PCNX1: variants seen among roughly 807,000 people sequenced by gnomAD.
PCNX1 encodes pecanex-like protein 1.
A neutral mutation model predicts 242.2 loss-of-function variants in PCNX1; 78 were observed. The observed-to-expected ratio is 0.32, with a 90% CI of 0.27 to 0.39. The LOEUF (loss-of-function observed/expected upper bound fraction) is 0.39, where lower values mean the gene tolerates loss of function less well. Ranked by LOEUF, PCNX1 falls within the 10% of genes least tolerant of loss-of-function variation. PCNX1 has a pLI of 1.00. For synonymous variants in PCNX1, 1,024 were observed against 1,032.9 expected, an observed-to-expected ratio of 0.99 and a Z score of 0.17; for missense variants, 2,581 against 2,856.5, an observed-to-expected ratio of 0.90 and a Z score of 2.20.
intron 33 of PCNX1, 23 bp from the exon 34 acceptor site, chr14:71,108,581 A>G (rs778732951): frequency 6.4e-7 from 1 of 1,565,958 alleles, no homozygotes; most frequent in East Asian, 2.3e-5. Flanking sequence ...ACTTTGAGTG[A>G]GTGCTGCTGT....
chr14:70,975,608 CT>C (rs2058667631), intron 5 of PCNX1, among the ~76,000 whole-genome samples: 1 of 152,108 alleles, frequency 6.6e-6, no homozygotes, highest in African/African-American at 2.4e-5. Flanking sequence ...TGTTATTTTA[CT>C]TTGTCTATCC....
rs778961759 is a variant in PCNX1 at position 71,103,619 on chromosome 14, T to A, written c.6045T>A (p.Gly2015=). 1.2e-6 allele frequency: 2 copies of A among 1,614,052 alleles called. No individual in the cohort carries two copies. Among genetic ancestry groups the A allele is most frequent in the Non-Finnish European group, 1.7e-6 (2 of 1,179,978 alleles). ...AACAGCTTAAAGACATTCTTGGGGG[T>A]CCTATCAGCTTGGGAAATATCAGGA... ...SHEQLKDILG[G]PISLGNIRNF... Residue 2015 remains glycine (G), a synonymous_variant, in exon 32 of 36, where the codon GGT becomes GGA. Coordinates refer to ENST00000304743, the MANE Select transcript of PCNX1 (RefSeq NM_014982.3).
chr14:71,060,347 A>T (rs781743240), intron 26 of PCNX1, among the ~76,000 whole-genome samples: 5 of 152,184 alleles, frequency 3.3e-5, no homozygotes, highest in Admixed American at 1.3e-4. Context: ...ATTATGCTAT[A>T]CTTTTTATGG....
chr14:70,979,574 C>T (rs1456313372), intron 6 of PCNX1, among the ~76,000 whole-genome samples: 1 of 151,982 alleles, frequency 6.6e-6, no homozygotes, highest in African/African-American at 2.4e-5. Flanking sequence ...CCCCTATTCC[C>T]TTTATTTATG....
At position 71,088,318 on chromosome 14, in the gene PCNX1, G is replaced by GT. The variant is rs1375018385; in HGVS notation, c.5338-5dup. 5 of 1,534,060 alleles carry GT rather than the reference G, an allele frequency of 3.3e-6. No homozygotes were observed. The highest frequency in any genetic ancestry group is 2.3e-5 in the East Asian group (1 of 44,428). On this transcript the variant is annotated splice_polypyrimidine_tract_variant and intron_variant, in intron 28 of 35. Coordinates refer to ENST00000304743, the MANE Select transcript of PCNX1 (RefSeq NM_014982.3). ...ACCTTTCTGATAACTAATGTTTTTT[G>GT]TTTTTTTAAAGCCTGTGGATGTGGA... is the stretch of plus-strand genomic sequence containing the variant.
intron 23 of PCNX1, among the ~76,000 whole-genome samples, chr14:71,051,004 A>G (rs1476309954): frequency 1.3e-5 from 2 of 151,854 alleles, no homozygotes; most frequent in East Asian, 1.9e-4. Context: ...CCCCATCTCC[A>G]CTGAAAATAC....
At chr14:70,970,511 T>G (rs1443124995) in intron 5 of PCNX1, among the ~76,000 whole-genome samples, 1 of 152,214 alleles carries the variant, frequency 6.6e-6, no homozygotes, top group Non-Finnish European at 1.5e-5. Flanking sequence ...GTTTAGGGAT[T>G]ATATATCTTA....
intron 32 of PCNX1, 69 bp from the exon 33 acceptor site, chr14:71,105,165 GA>G: frequency 2.5e-6 from 3 of 1,191,286 alleles, no homozygotes; most frequent in Non-Finnish European, 3.7e-6. Flanking sequence ...AGAATAGCTG[GA>G]AAAAGAATAA....
chr14:71,028,849 G>A (rs1226470908), intron 16 of PCNX1, 58 bp downstream of exon 16: 3 of 1,024,022 alleles, frequency 2.9e-6, no homozygotes, highest in Non-Finnish European at 2.9e-6. Context: ...TATGAAGGTT[G>A]TTTTAAAATC....
In PCNX1 at chr14:70,946,994, A is replaced by G. The variant is rs145807664; in HGVS notation, c.233A>G (p.Asn78Ser). 1.1e-4 allele frequency: 170 copies of G among 1,613,822 alleles called. 2 individuals are homozygous for G. Among genetic ancestry groups the G allele is most frequent in the African/African-American group, 2.5e-4 (19 of 75,018 alleles). The change falls in exon 2 of 36, where the codon AAC (asparagine) becomes AGC (serine). Residue 78 changes from asparagine (N) to serine (S), a missense_variant. By Grantham distance (46) the Asn-to-Ser change is conservative. Around this residue, in one of 9 missense-constraint regions of PCNX1, gnomAD observed 1,204 missense variants for 1,216.7 expected, o/e 0.99. Coordinates refer to ENST00000304743, the MANE Select transcript of PCNX1 (RefSeq NM_014982.3). Reference sequence around the variant, plus strand: ...GTTTTCATTGTTCTGAAGATGGTCAACTATCGACTACACAGAGCACTTGAT... The same window carrying G: ...GTTTTCATTGTTCTGAAGATGGTCAGCTATCGACTACACAGAGCACTTGAT... Reference protein sequence around the residue: ...AAVFIVLKMVNYRLHRALDAG... With the variant: ...AAVFIVLKMVSYRLHRALDAG...
chr14:71,045,090 T>C (rs2060821856), intron 19 of PCNX1, 43 bp from the exon 20 acceptor site: 2 of 1,396,962 alleles, frequency 1.4e-6, no homozygotes, highest in South Asian at 1.4e-5. Context: ...ACAATGAGTC[T>C]CAAAATCACT....
intron 19 of PCNX1, among the ~76,000 whole-genome samples, chr14:71,040,942 G>T (rs926001012): frequency 6.6e-6 from 1 of 151,940 alleles, no homozygotes; most frequent in African/African-American, 2.4e-5. Flanking sequence ...TCTGTACCAG[G>T]CTTATTTCAC....
chr14:70,921,861 A>G (rs1486921641), intron 1 of PCNX1, among the ~76,000 whole-genome samples: 3 of 152,154 alleles, frequency 2.0e-5, no homozygotes, highest in South Asian at 2.1e-4. Flanking sequence ...TGTTGCAAAC[A>G]TTATGACACA....
At chr14:70,944,554 T>G (rs2057386930) in intron 1 of PCNX1, among the ~76,000 whole-genome samples, 1 of 152,224 alleles carries the variant, frequency 6.6e-6, no homozygotes, top group Non-Finnish European at 1.5e-5. Context: ...TTGTCTGTGA[T>G]AAAACTTTGG....
chr14:70,933,417 A>G (rs1226091194), intron 1 of PCNX1, among the ~76,000 whole-genome samples: 1 of 152,216 alleles, frequency 6.6e-6, no homozygotes. Flanking sequence ...TTATTTTTAC[A>G]TTTTTAATGC....
intron 26 of PCNX1, among the ~76,000 whole-genome samples, chr14:71,059,318 C>G (rs1356987612): frequency 6.6e-6 from 1 of 152,016 alleles, no homozygotes; most frequent in East Asian, 1.9e-4. Flanking sequence ...ATACAGCAAC[C>G]CTTACTCTTT....
intron 8 of PCNX1, among the ~76,000 whole-genome samples, chr14:71,002,846 C>T (rs2059544072): frequency 6.6e-6 from 1 of 152,154 alleles, no homozygotes; most frequent in South Asian, 2.1e-4. Flanking sequence ...ACATCCCCAC[C>T]ACCAAATTCC....
rs3083307 is a variant in PCNX1 at position 71,003,080 on chromosome 14, C to CTTTTTTTTTTTTTTT, written c.2630-6548_2630-6534dup. Among the ~76,000 whole-genome samples the CTTTTTTTTTTTTTTT allele has an allele frequency of 8.0e-3, 760 of 95,430 alleles. 62 individuals carry two copies. The highest frequency in any genetic ancestry group is 0.011 in the Admixed American group (77 of 7,054). The allele number at this position is 95,430 out of a possible 152,430, so 62.6% of individuals were successfully genotyped here. ...TAAAAATCGGGTTGTTGGTTGTCTT[C>CTTTTTTTTTTTTTTT]TTTTTTTTTTTTTTTTTTTTGAGAC... is the stretch of plus-strand genomic sequence containing the variant. On this transcript the variant is annotated intron_variant, in intron 8 of 35. Transcript: ENST00000304743.
chr14:71,112,826 A>G lies in PCNX1; in HGVS notation c.*2891A>G, dbSNP rs1282863172. The G allele has an allele frequency of 1.3e-5, 2 of 152,152 alleles. No homozygotes were observed. The highest frequency in any genetic ancestry group is 2.9e-5 in the Non-Finnish European group (2 of 67,984). 9.4% of individuals were successfully genotyped at this position (152,152 alleles called of 1,614,324 possible). On this transcript the variant is annotated 3_prime_UTR_variant, in exon 36 of 36. Coordinates refer to ENST00000304743, the MANE Select transcript of PCNX1 (RefSeq NM_014982.3). ...CCTTTTGGTGGAGTTGTATGATTGA[A>G]AACTTTGCTTTTTCTTGTTTAATTC...
Sources: allele counts gnomAD v4.1 joint callset (sites outside exome capture counted in the v4.1 genomes callset), GRCh38; gene constraint gnomAD v4.1.1; regional missense constraint gnomAD v4.1.1; transcripts MANE v1.5; gene names NCBI Gene and HGNC (gene_info 2026-07-23, HGNC 2026-07-21).